The following UGT1A6 variants were observed in gnomAD, a reference collection of about 807,000 sequenced individuals.
UGT1A6 encodes the protein UDP-glucuronosyltransferase 1A6.
Under a neutral mutation model 44.4 loss-of-function variants are expected in UGT1A6, and 32 were observed. That is an observed-to-expected ratio of 0.72 (90% CI 0.54 to 0.97). UGT1A6 has a LOEUF of 0.97. Ranked by LOEUF, UGT1A6 falls within the 50% of genes least tolerant of loss-of-function variation. UGT1A6 has a pLI of 0.00. For synonymous variants in UGT1A6, 238 were observed against 248.5 expected, an observed-to-expected ratio of 0.96 and a Z score of 0.40; for missense variants, 685 against 661.9, an observed-to-expected ratio of 1.03 and a Z score of -0.38.
Position 233,772,368 on chromosome 2 carries a change from G to A in UGT1A6, c.1408G>A (p.Ala470Thr), listed in dbSNP as rs775532505. Residue 470 changes from alanine to threonine, a missense_variant, in exon 5 of 5, where the codon GCG (alanine) becomes ACG (threonine). Physicochemically the swap from Ala to Thr is moderately conservative, Grantham distance 58. Transcript: ENST00000305139. ...GGAGTTTGTGATGAGGCACAAGGGC[G>A]CGCCACACCTGCGCCCCGCAGCCCA... ...WVEFVMRHKG[A>T]PHLRPAAHDL... 1.1e-4 allele frequency: 174 copies of A among 1,614,102 alleles called. No individual in the cohort carries two copies. In the Middle Eastern group the frequency reaches 1.6e-3, roughly 15 times the overall value.
At chr2:233,725,989 G>C (rs2077488479) in intron 1 of UGT1A6, among the ~76,000 whole-genome samples, 1 of 152,034 alleles carries the variant, frequency 6.6e-6, no homozygotes, top group African/African-American at 2.4e-5. Context: ...AACGTGCTGA[G>C]ACTGCATCTC....
At chr2:233,764,179 C>T (rs1420569842) in intron 1 of UGT1A6, among the ~76,000 whole-genome samples, 1 of 152,170 alleles carries the variant, frequency 6.6e-6, no homozygotes. Flanking sequence ...CAGGGAAATT[C>T]TCTCATTCAG....
intron 1 of UGT1A6, 109 bp downstream of exon 1, chr2:233,693,974 C>A: frequency 6.4e-7 from 1 of 1,566,540 alleles, no homozygotes; most frequent in Non-Finnish European, 8.6e-7. Context: ...CCTGGAGAAA[C>A]GGTGGGGGGA....
rs749552053 is a variant in UGT1A6 at position 233,760,309 on chromosome 2, G to A, written c.862-6725G>A. 18 of 1,613,646 alleles carry A rather than the reference G, an allele frequency of 1.1e-5. No individual in the cohort carries two copies. The highest frequency in any genetic ancestry group is 2.2e-5 in the East Asian group (1 of 44,886). On this transcript the variant is annotated intron_variant, in intron 1 of 4. Transcript: ENST00000305139. ...CGCCATGGCTGTGGAGTCCCAGGGCGGACGCCCACTTGTCCTGGGCCTGCT... is the reference window on the plus strand; with the variant it reads ...CGCCATGGCTGTGGAGTCCCAGGGCAGACGCCCACTTGTCCTGGGCCTGCT...
chr2:233,748,300 T>C lies in UGT1A6; in HGVS notation c.862-18734T>C, dbSNP rs533693857. ...AAGAAGAGGCAGACATGAATGTTTA[T>C]CAAAGGATGGACTAGGACTGATGTG... On this transcript the variant is annotated intron_variant, in intron 1 of 4. Transcript: ENST00000305139. Among the ~76,000 whole-genome samples, 169 of 151,842 alleles carry C rather than the reference T, an allele frequency of 1.1e-3. 1 individual carries two copies. Among genetic ancestry groups the C allele is most frequent in the Non-Finnish European group, 1.3e-3 (90 of 68,016 alleles).
chr2:233,712,370 T>G (rs1029561273), intron 1 of UGT1A6, among the ~76,000 whole-genome samples: 3 of 152,206 alleles, frequency 2.0e-5, no homozygotes, highest in African/African-American at 7.2e-5. Flanking sequence ...CCTGCAGCTT[T>G]TTTTATATTG....
At chr2:233,741,527 G>A (rs1192386842) in intron 1 of UGT1A6, 5 of 151,902 alleles carry the variant, frequency 3.3e-5, no homozygotes, top group Non-Finnish European at 5.9e-5. Flanking sequence ...TTAACAGTCT[G>A]TCTTATTCTG....
At chr2:233,716,567 A>G (rs181280282) in intron 1 of UGT1A6, among the ~76,000 whole-genome samples, 81 of 152,206 alleles carry the variant, frequency 5.3e-4, no homozygotes, top group Admixed American at 1.1e-3. Context: ...TTCATTTTTT[A>G]AAAACAATAC....
intron 1 of UGT1A6, among the ~76,000 whole-genome samples, chr2:233,726,967 G>T (rs1400134709): frequency 6.6e-6 from 1 of 152,088 alleles, no homozygotes; most frequent in African/African-American, 2.4e-5. Flanking sequence ...AAGAGCAAAA[G>T]TTTTAGATTT....
intron 1 of UGT1A6, among the ~76,000 whole-genome samples, chr2:233,737,236 T>A (rs2078854689): frequency 6.6e-6 from 1 of 152,226 alleles, no homozygotes; most frequent in Non-Finnish European, 1.5e-5. Flanking sequence ...CTGGATGCTT[T>A]GTTTACCTAC....
At chr2:233,760,143 G>C (rs2125979116) in intron 1 of UGT1A6, 1 of 1,431,624 alleles carries the variant, frequency 7.0e-7, no homozygotes, top group Non-Finnish European at 9.3e-7. Flanking sequence ...ATCTCTGAAA[G>C]TGAACTCCCT....
chr2:233,718,448 A>C (rs1195821608), intron 1 of UGT1A6, among the ~76,000 whole-genome samples: 1 of 152,148 alleles, frequency 6.6e-6, no homozygotes, highest in Admixed American at 6.5e-5. Flanking sequence ...GGCAATGGTG[A>C]CTCCTCAGAC....
At chr2:233,719,441 C>T (rs2076766759) in intron 1 of UGT1A6, 2 of 1,613,982 alleles carry the variant, frequency 1.2e-6, no homozygotes, top group Non-Finnish European at 1.7e-6. Flanking sequence ...ACATGACATT[C>T]CTGCAAAGGG....
rs999993314 is a variant in UGT1A6 at position 233,702,022 on chromosome 2, C to CA, written c.861+8166dup. 3.8e-3 allele frequency among the ~76,000 whole-genome samples: 570 copies of CA among 150,354 alleles called. 6 individuals are homozygous for CA. Among genetic ancestry groups the CA allele is most frequent in the African/African-American group, 0.012 (497 of 41,028 alleles). ...AGCAGAACTGAAGGAAATAGAGACACAAAAAAAAACCCTTCAAAAAATTAA... is the reference window on the plus strand; with the variant it reads ...AGCAGAACTGAAGGAAATAGAGACACAAAAAAAAAACCCTTCAAAAAATTAA... On this transcript the variant is annotated intron_variant, in intron 1 of 4. Transcript: ENST00000305139.
At chr2:233,747,871 T>G (rs12466997) in intron 1 of UGT1A6, 2 of 1,613,304 alleles carry the variant, frequency 1.2e-6, no homozygotes, top group Non-Finnish European at 1.7e-6. Flanking sequence ...CCTCTGGCCC[T>G]GTCCTACCTT....
intron 1 of UGT1A6, among the ~76,000 whole-genome samples, chr2:233,723,452 C>G (rs2125693136): frequency 1.4e-5 from 2 of 138,456 alleles, no homozygotes; most frequent in African/African-American, 5.6e-5. Context: ...TCAGGTGATC[C>G]ACCCGCCTCA....
intron 1 of UGT1A6, chr2:233,729,151 C>T (rs780105483): frequency 1.2e-6 from 2 of 1,613,562 alleles, no homozygotes; most frequent in Non-Finnish European, 1.7e-6. Flanking sequence ...CCAGGTTCCC[C>T]TGCCGTGGCT....
intron 1 of UGT1A6, among the ~76,000 whole-genome samples, chr2:233,702,006 G>T (rs1014766154): frequency 6.6e-6 from 1 of 152,034 alleles, no homozygotes; most frequent in East Asian, 1.9e-4. Flanking sequence ...GAGCAGAACT[G>T]AAGGAAATAG....
chr2:233,698,796 G>C (rs896772598), intron 1 of UGT1A6, among the ~76,000 whole-genome samples: 1 of 152,162 alleles, frequency 6.6e-6, no homozygotes, highest in African/African-American at 2.4e-5. Context: ...GTAACCTCTG[G>C]GCTCCCAGCC....
Sources: allele counts gnomAD v4.1 joint callset (sites outside exome capture counted in the v4.1 genomes callset), GRCh38; gene constraint gnomAD v4.1.1; transcripts MANE v1.5; gene names NCBI Gene and HGNC (gene_info 2026-07-23, HGNC 2026-07-21).